PKP2: variants seen among roughly 807,000 people sequenced by gnomAD.
PKP2 encodes plakophilin 2, also known as plakophilin-2.
A neutral mutation model predicts 83.4 loss-of-function variants in PKP2; 73 were observed. That is an observed-to-expected ratio of 0.88 (90% CI 0.72 to 1.06). The LOEUF is 1.06. PKP2 is among the 50% of genes least tolerant of loss of function. The pLI, the probability that PKP2 is intolerant of heterozygous loss-of-function variation, is 0.00. For missense variants in PKP2, 966 were observed against 1,065.4 expected (o/e 0.91, Z 1.30); for synonymous variants, 409 against 430.4 (o/e 0.95, Z 0.62).
intron 4 of PKP2, among the ~76,000 whole-genome samples, chr12:32,864,302 A>C (rs913390126): frequency 1.5e-5 from 1 of 64,728 alleles, no homozygotes; most frequent in East Asian, 4.9e-4. Context: ...AGCAAGTACT[A>C]TACACATACA....
chr12:32,882,989 C>T (rs1403817070), intron 1 of PKP2, among the ~76,000 whole-genome samples: 1 of 152,170 alleles, frequency 6.6e-6, no homozygotes, highest in Admixed American at 6.5e-5. Flanking sequence ...TCCTCTAAAA[C>T]CTTCACTTAC....
In PKP2 at chr12:32,794,955, C is replaced by CA. The variant is rs545596234; in HGVS notation, c.2357+1153dup. ...GTACATCCCTGTACAGCCAAGCACA[C>CA]ATTTCTTCAGTACAGGTGAAGTCAT... On this transcript the variant is annotated intron_variant, in intron 11 of 12. Coordinates refer to ENST00000340811, the MANE Select transcript of PKP2 (RefSeq NM_001005242.3). Among the ~76,000 whole-genome samples the CA allele has an allele frequency of 1.8e-3, 275 of 152,338 alleles. 1 individual carries two copies. The highest frequency in any genetic ancestry group is 6.3e-3 in the African/African-American group (264 of 41,578).
intron 9 of PKP2, among the ~76,000 whole-genome samples, chr12:32,804,771 T>C (rs1473852135): frequency 1.3e-5 from 2 of 152,226 alleles, no homozygotes; most frequent in Non-Finnish European, 1.5e-5. Context: ...AACACATGCA[T>C]GTATCTTTAT....
Position 32,878,352 on chromosome 12 carries a change from G to A in PKP2, c.528C>T (p.His176=). ...GCCTGCTTTCTTGGTGGTGCAGGGTGTGCCCAGCCTGGCTTCTCTGGCTGT... is the reference window on the plus strand; with the variant it reads ...GCCTGCTTTCTTGGTGGTGCAGGGTATGCCCAGCCTGGCTTCTCTGGCTGT... The part of the protein sequence containing the change: ...YQYSQRSQAG[H]TLHHQESRRA... Residue 176 remains histidine, a synonymous_variant, in exon 3 of 13, where the codon CAC becomes CAT. Coordinates refer to ENST00000340811, the MANE Select transcript of PKP2 (RefSeq NM_001005242.3). The A allele has an allele frequency of 1.2e-6, 2 of 1,613,438 alleles. No individual in the cohort carries two copies. Among genetic ancestry groups the A allele is most frequent in the Non-Finnish European group, 8.5e-7 (1 of 1,179,966 alleles).
intron 5 of PKP2, chr12:32,843,038 G>A: frequency 5.9e-6 from 2 of 340,104 alleles, no homozygotes; most frequent in South Asian, 2.3e-5. Flanking sequence ...GGAGTGTAGT[G>A]GCACAATCTT....
At chr12:32,792,944 A>G (rs957706525) in intron 11 of PKP2, 31 of 568,538 alleles carry the variant, frequency 5.5e-5, no homozygotes, top group African/African-American at 3.9e-4. Flanking sequence ...CCACTAGCAC[A>G]GTGCTAATAA....
intron 9 of PKP2, 150 bp from the exon 10 acceptor site, chr12:32,802,706 T>C (rs1219703577): frequency 5.7e-6 from 4 of 704,100 alleles, no homozygotes; most frequent in African/African-American, 1.8e-5. Flanking sequence ...TCATTCAGGC[T>C]GGAGTGCAGT....
chr12:32,796,319 CA>C (rs1246048758), intron 10 of PKP2, 21 bp from the exon 11 acceptor site: 2 of 1,291,210 alleles, frequency 1.5e-6, no homozygotes, highest in East Asian at 4.6e-5. Flanking sequence ...AAAAAAAAAA[CA>C]AAACACTTGA....
At position 32,892,824 on chromosome 12, in the gene PKP2, G is replaced by GGT. The variant is rs1555149553; in HGVS notation, c.223+3684_223+3685insAC. ...CAGATACCTGGGGTGGGGGCGGGGG[G>GGT]GGGGGGAGAACTGTGTAGCAAGTAG... On this transcript the variant is annotated intron_variant, in intron 1 of 12. Transcript: ENST00000340811. Among the ~76,000 whole-genome samples, 9 of 113,486 alleles carry GGT rather than the reference G, an allele frequency of 7.9e-5. 2 individuals carry two copies. The highest frequency in any genetic ancestry group is 5.3e-4 in the Admixed American group (6 of 11,316). The allele number at this position is 113,486 out of a possible 152,430, so 74.5% of individuals were successfully genotyped here.
chr12:32,795,783 T>C (rs56671444), intron 11 of PKP2, among the ~76,000 whole-genome samples: 4,034 of 152,304 alleles, frequency 0.026, 198 homozygotes, highest in African/African-American at 0.093. Context: ...TTGCCTACAT[T>C]CTGCTGTTAT....
intron 6 of PKP2, 122 bp from the exon 7 acceptor site, chr12:32,824,284 T>C (rs960777536): frequency 1.3e-6 from 1 of 741,506 alleles, no homozygotes; most frequent in African/African-American, 1.7e-5. Context: ...TGTAAAAGTG[T>C]GGCAGACTTG....
At chr12:32,852,987 G>A (rs916345296) in intron 4 of PKP2, among the ~76,000 whole-genome samples, 17 of 152,132 alleles carry the variant, frequency 1.1e-4, no homozygotes, top group Non-Finnish European at 4.4e-5. Flanking sequence ...GGGAGGCTGA[G>A]GCAGGAGATT....
At chr12:32,879,442 G>T (rs1956965714) in intron 1 of PKP2, among the ~76,000 whole-genome samples, 1 of 152,168 alleles carries the variant, frequency 6.6e-6, no homozygotes, top group Non-Finnish European at 1.5e-5. Context: ...TGAGGCAGGA[G>T]AATCACTTGA....
intron 4 of PKP2, among the ~76,000 whole-genome samples, chr12:32,855,522 C>T (rs1157364762): frequency 6.6e-6 from 1 of 151,940 alleles, no homozygotes; most frequent in Non-Finnish European, 1.5e-5. Context: ...GCCTGTAATC[C>T]CAGCACTTTG....
At chr12:32,839,374 C>CTTT (rs758561343) in intron 6 of PKP2, among the ~76,000 whole-genome samples, 75 of 130,184 alleles carry the variant, frequency 5.8e-4, no homozygotes, top group Non-Finnish European at 7.3e-4. Flanking sequence ...AAGATGTGCA[C>CTTT]TTTTTTTTTT....
In PKP2 at chr12:32,877,789, C is replaced by T; in HGVS notation, c.1034+57G>A. ...GAAGTGCCAGCTCATGCTGTCAGGG[C>T]TGTGGGAACAGAATGTGCTGGCAAT... is the stretch of plus-strand genomic sequence containing the variant. On this transcript the variant is annotated intron_variant, in intron 3 of 12. Coordinates refer to ENST00000340811, the MANE Select transcript of PKP2 (RefSeq NM_001005242.3). 2.4e-6 allele frequency: 3 copies of T among 1,257,930 alleles called. No individual in the cohort carries two copies. The South Asian group carries it at 3.6e-5, about 15-fold the overall frequency. 77.9% of individuals were successfully genotyped at this position (1,257,930 alleles called of 1,614,324 possible).
intron 9 of PKP2, among the ~76,000 whole-genome samples, chr12:32,820,720 TG>T (rs1956367386): frequency 6.6e-6 from 1 of 152,324 alleles, no homozygotes; most frequent in African/African-American, 2.4e-5. Context: ...ACCCATGCCC[TG>T]GAAGTGCACA....
At chr12:32,843,356 C>T (rs1285443188) in intron 5 of PKP2, 2 of 1,355,290 alleles carry the variant, frequency 1.5e-6, no homozygotes, top group African/African-American at 1.5e-5. Context: ...AGGGCAGGCT[C>T]CTTTATGAAC....
chr12:32,802,470 A>G lies in PKP2; in HGVS notation c.2100T>C (p.Ser700=). The G allele has an allele frequency of 1.2e-6, 2 of 1,614,134 alleles. No homozygotes were observed. Among genetic ancestry groups the G allele is most frequent in the Non-Finnish European group, 1.7e-6 (2 of 1,179,980 alleles). ...GCAGCGAGATGGCTGTCTTTTTCACACTTGGGTCACCAACATGCAGCATCT... is the reference window on the plus strand; with the variant it reads ...GCAGCGAGATGGCTGTCTTTTTCACGCTTGGGTCACCAACATGCAGCATCT... ...TRKMLHVGDP[S]VKKTAISLLR... is the part of the protein sequence containing the mutation. The change falls in exon 10 of 13, where the codon AGT becomes AGC. Residue 700 remains serine, a synonymous_variant. Coordinates refer to ENST00000340811, the MANE Select transcript of PKP2 (RefSeq NM_001005242.3).
Sources: allele counts gnomAD v4.1 joint callset (sites outside exome capture counted in the v4.1 genomes callset), GRCh38; gene constraint gnomAD v4.1.1; transcripts MANE v1.5; gene names NCBI Gene and HGNC (gene_info 2026-07-23, HGNC 2026-07-21).